The following KLHL6 variants were observed in gnomAD, a reference collection of about 807,000 sequenced individuals.
KLHL6 encodes kelch like family member 6.
A neutral mutation model predicts 58.6 loss-of-function variants in KLHL6; 41 were observed. The ratio of observed to expected loss-of-function variants is 0.70; its 90% confidence interval spans 0.55 to 0.91. The LOEUF is 0.91. Ranked by LOEUF, KLHL6 falls within the 40% of genes least tolerant of loss-of-function variation. The pLI, the probability that KLHL6 is intolerant of heterozygous loss-of-function variation, is 0.00. For synonymous variants in KLHL6, 338 were observed against 322.7 expected (o/e 1.05, Z -0.51); for missense variants, 714 against 805.6 (o/e 0.89, Z 1.38).
chr3:183,545,679 C>T (rs1447063047), intron 1 of KLHL6, among the ~76,000 whole-genome samples: 1 of 152,082 alleles, frequency 6.6e-6, no homozygotes, highest in Non-Finnish European at 1.5e-5. Context: ...TGCAGAACCC[C>T]TCTCCCCACT....
chr3:183,555,301 C>G (rs1713069144), intron 1 of KLHL6, 60 bp downstream of exon 1: 2 of 1,473,112 alleles, frequency 1.4e-6, no homozygotes, highest in Non-Finnish European at 1.9e-6. Flanking sequence ...GGCTCTCACA[C>G]TAACACACCT....
chr3:183,539,378 C>G (rs569727077), intron 1 of KLHL6, among the ~76,000 whole-genome samples: 77 of 152,256 alleles, frequency 5.1e-4, no homozygotes, highest in Middle Eastern at 3.4e-3. Flanking sequence ...CTACAGCTGC[C>G]CCGATCTGAC....
At chr3:183,522,027 G>A (rs1425807015) in intron 2 of KLHL6, among the ~76,000 whole-genome samples, 8 of 149,210 alleles carry the variant, frequency 5.4e-5, no homozygotes, top group East Asian at 2.1e-4. Flanking sequence ...TGTAGTTCAG[G>A]CAAAATAGCT....
At position 183,492,936 on chromosome 3, in the gene KLHL6, T is replaced by C; in HGVS notation, c.1351-229A>G. ...AGCTAGAGCAAGCTGTGTGTTGGGA[T>C]GTGCCAGCCTCTCCCGGAATCCAGC... On this transcript the variant is annotated intron_variant, in intron 5 of 6. Transcript: ENST00000341319. The surrounding 1 kb of genome is among the most constrained non-coding windows in gnomAD (Gnocchi z 5.9). 1.9e-6 allele frequency: 1 copy of C among 525,066 alleles called. No homozygotes were observed. The highest frequency in any genetic ancestry group is 3.3e-5 in the East Asian group (1 of 30,752). The allele number at this position is 525,066 out of a possible 1,614,324, so 32.5% of individuals were successfully genotyped here. A position where few individuals can be genotyped will look rare whatever the true frequency, so the allele number is the denominator to read the frequency against.
In KLHL6 at chr3:183,491,740, A is replaced by T; in HGVS notation, c.*187T>A. 1 of 462,062 alleles carries T rather than the reference A, an allele frequency of 2.2e-6. No individual in the cohort carries two copies. Among genetic ancestry groups the T allele is most frequent in the Non-Finnish European group, 3.7e-6 (1 of 271,148 alleles). 28.6% of individuals were successfully genotyped at this position (462,062 alleles called of 1,614,324 possible). ...TCCCCTCCTGAGGTAGGTCATGCAA[A>T]CATTCCTGGCCGGTCTCAAGTGACC... On this transcript the variant is annotated 3_prime_UTR_variant, in exon 7 of 7. Transcript: ENST00000341319.
At chr3:183,516,091 T>C (rs1711550830) in intron 2 of KLHL6, among the ~76,000 whole-genome samples, 2 of 152,204 alleles carry the variant, frequency 1.3e-5, no homozygotes, top group Non-Finnish European at 2.9e-5. Context: ...TGTAACTTGT[T>C]GCATTGTTGA....
chr3:183,491,944 CG>C lies in KLHL6; in HGVS notation c.1848del (p.Gly617GlufsTer39). 1 of 1,508,120 alleles carries C rather than the reference CG, an allele frequency of 6.6e-7. No individual in the cohort carries two copies. The highest frequency in any genetic ancestry group is 8.9e-7 in the Non-Finnish European group (1 of 1,125,450). The allele number at this position is 1,508,120 out of a possible 1,614,324, so 93.4% of individuals were successfully genotyped here. A position where few individuals can be genotyped will look rare whatever the true frequency, so the allele number is the denominator to read the frequency against. On this transcript the variant is annotated frameshift_variant, in exon 7 of 7. Coordinates refer to ENST00000341319, the MANE Select transcript of KLHL6 (RefSeq NM_130446.4). LOFTEE classifies it high-confidence loss of function. ...TCCTGCCGTCAGACAGACACTGCTC[CG>C]GGCACGATCCTGCGGATGTGGGTGT... ...KSYTHIRRIV[P>X]GAVSV
chr3:183,506,311 G>A (rs560341539), intron 3 of KLHL6, among the ~76,000 whole-genome samples: 12 of 152,264 alleles, frequency 7.9e-5, no homozygotes, highest in East Asian at 1.9e-4. Context: ...TTTATTCACC[G>A]TTCGTAGTAC....
rs754409352 is a variant in KLHL6, at chr3:183,492,755, G to C, written c.1351-48C>G. On this transcript the variant is annotated intron_variant, in intron 5 of 6. Coordinates refer to ENST00000341319, the MANE Select transcript of KLHL6 (RefSeq NM_130446.4). The surrounding 1 kb of genome is among the most constrained non-coding windows in gnomAD (Gnocchi z 5.9). ...AAGAAGCTGTCAGTCATGCTGCCCA[G>C]ATTGCTGCAGTAGCTCCCAGGATAC... The C allele has an allele frequency of 5.8e-6, 9 of 1,561,378 alleles. No homozygotes were observed. The highest frequency in any genetic ancestry group is 7.0e-6 in the Non-Finnish European group (8 of 1,136,962).
Position 183,499,677 on chromosome 3 carries a change from G to A in KLHL6, c.1060C>T (p.Pro354Ser), listed in dbSNP as rs1489798905. 1.2e-6 allele frequency: 2 copies of A among 1,611,762 alleles called. No homozygotes were observed. The highest frequency in any genetic ancestry group is 1.7e-6 in the Non-Finnish European group (2 of 1,179,086). Residue 354 changes from proline to serine, a missense_variant, in exon 4 of 7, where the codon CCG becomes TCG. Pro to Ser is a moderately conservative substitution (Grantham distance 74, BLOSUM62 -1). Around this residue, in one of 2 missense-constraint regions of KLHL6, gnomAD observed 510 missense variants for 629.7 expected, o/e 0.81. Transcript: ENST00000341319. This position sits in a 1 kb window ranked among gnomAD's most constrained non-coding sequence, Gnocchi z 4.6. ...CTCTCCAGCTCATGCTCTGTTAGCG[G>A]GAGCTTGGCCACCTCCAGGCGGCTG... ...RRSRLEVAKL[P>S]LTEHELESEN...
chr3:183,497,017 G>A (rs771423329), intron 4 of KLHL6, among the ~76,000 whole-genome samples: 23 of 151,718 alleles, frequency 1.5e-4, no homozygotes, highest in Non-Finnish European at 3.4e-4. Context: ...GGTGGCTCAC[G>A]CCTGTAATCC....
intron 2 of KLHL6, among the ~76,000 whole-genome samples, chr3:183,524,675 G>T (rs1711890210): frequency 1.3e-5 from 2 of 152,162 alleles, no homozygotes; most frequent in South Asian, 4.1e-4. Flanking sequence ...TCCTGCACCA[G>T]GAAATTCTGG....
At chr3:183,510,647 T>C (rs1431132749) in intron 2 of KLHL6, among the ~76,000 whole-genome samples, 1 of 152,020 alleles carries the variant, frequency 6.6e-6, no homozygotes, top group Non-Finnish European at 1.5e-5. Flanking sequence ...GGCCGAGGCA[T>C]GCAGATCACC....
At chr3:183,528,032 G>A in intron 1 of KLHL6, 22 bp from the exon 2 acceptor site, 1 of 1,613,746 alleles carries the variant, frequency 6.2e-7, no homozygotes, top group Non-Finnish European at 8.5e-7. Context: ...ATGTGTGAAT[G>A]TGAATCGTGC....
intron 1 of KLHL6, among the ~76,000 whole-genome samples, chr3:183,538,161 A>G (rs1303983380): frequency 6.6e-6 from 1 of 152,010 alleles, no homozygotes; most frequent in African/African-American, 2.4e-5. Context: ...TGAAGAGGAC[A>G]CTCGAACATT....
intron 1 of KLHL6, among the ~76,000 whole-genome samples, chr3:183,550,791 A>C (rs1482754956): frequency 1.3e-5 from 2 of 151,768 alleles, no homozygotes; most frequent in Non-Finnish European, 2.9e-5. Flanking sequence ...ACCCTGTCTC[A>C]AAACAAAACA....
rs936301524 is a variant in KLHL6 at position 183,492,282 on chromosome 3, C to T, written c.1565-54G>A. ...ATCGCTCCATTTTTCTGGTTTCTTC[C>T]CTCTTAACCACTAAAATTCAACTTC... On this transcript the variant is annotated intron_variant, in intron 6 of 6. Coordinates refer to ENST00000341319, the MANE Select transcript of KLHL6 (RefSeq NM_130446.4). This position sits in a 1 kb window ranked among gnomAD's most constrained non-coding sequence, Gnocchi z 5.9. The T allele has an allele frequency of 1.4e-6, 2 of 1,468,886 alleles. No homozygotes were observed. The highest frequency in any genetic ancestry group is 1.8e-6 in the Non-Finnish European group (2 of 1,094,644). 91.0% of individuals were successfully genotyped at this position (1,468,886 alleles called of 1,614,324 possible). A position where few individuals can be genotyped will look rare whatever the true frequency, so the allele number is the denominator to read the frequency against.
At chr3:183,496,951 A>AT (rs1717728102) in intron 4 of KLHL6, among the ~76,000 whole-genome samples, 1 of 152,198 alleles carries the variant, frequency 6.6e-6, no homozygotes, top group African/African-American at 2.4e-5. Flanking sequence ...TAGCCTGGCC[A>AT]ACATGGTGAA....
chr3:183,549,644 G>A (rs751178018), intron 1 of KLHL6, among the ~76,000 whole-genome samples: 1 of 152,162 alleles, frequency 6.6e-6, no homozygotes, highest in Non-Finnish European at 1.5e-5. Flanking sequence ...GAGTAGCTGG[G>A]ACTACAGGCA....
Sources: allele counts gnomAD v4.1 joint callset (sites outside exome capture counted in the v4.1 genomes callset), GRCh38; gene constraint gnomAD v4.1.1; regional missense constraint gnomAD v4.1.1; non-coding constraint Gnocchi (gnomAD v3.1); transcripts MANE v1.5; gene names NCBI Gene and HGNC (gene_info 2026-07-23, HGNC 2026-07-21).